NKAIN3: variants seen among roughly 807,000 people sequenced by gnomAD.
The protein encoded by NKAIN3 is sodium/potassium transporting ATPase interacting 3.
In NKAIN3, 25 loss-of-function variants were observed where a neutral mutation model predicts 30.2. The ratio of observed to expected loss-of-function variants is 0.83; its 90% CI spans 0.60 to 1.16. NKAIN3 has a LOEUF of 1.16. NKAIN3 is among the 50% of genes most tolerant of loss of function. The pLI is 0.00. For missense variants in NKAIN3, 225 were observed against 254.1 expected, an observed-to-expected ratio of 0.89 and a Z score of 0.78; for synonymous variants, 91 against 89.6, an observed-to-expected ratio of 1.02 and a Z score of -0.09.
chr8:62,375,768 T>A (rs1047637828), intron 1 of NKAIN3, among the ~76,000 whole-genome samples: 6 of 152,226 alleles, frequency 3.9e-5, no homozygotes, highest in Non-Finnish European at 8.8e-5. Flanking sequence ...TTAATTTACA[T>A]GTACTCCTAA....
intron 3 of NKAIN3, among the ~76,000 whole-genome samples, chr8:62,607,400 G>T (rs1351364): frequency 0.48 from 72,299 of 151,962 alleles, 18,601 homozygotes; most frequent in Non-Finnish European, 0.58. Context: ...GAAGGCTGAT[G>T]CACCTTCTCT....
At chr8:62,609,094 A>G (rs934323195) in intron 3 of NKAIN3, among the ~76,000 whole-genome samples, 2 of 152,172 alleles carry the variant, frequency 1.3e-5, no homozygotes, top group East Asian at 3.9e-4. Context: ...CTTGCTGCTC[A>G]GGTCAGGCTA....
intron 1 of NKAIN3, among the ~76,000 whole-genome samples, chr8:62,531,836 A>C (rs773823008): frequency 2.0e-5 from 3 of 152,228 alleles, no homozygotes; most frequent in Non-Finnish European, 4.4e-5. Context: ...CTCCCCAGGC[A>C]TGAATGCCAG....
At chr8:62,474,391 C>T (rs191527655) in intron 1 of NKAIN3, 6 of 152,220 alleles carry the variant, frequency 3.9e-5, no homozygotes, top group East Asian at 3.9e-4. Context: ...AACCTGCAAA[C>T]GCTGGACAAA....
intron 4 of NKAIN3, among the ~76,000 whole-genome samples, chr8:62,895,872 A>G (rs1821413807): frequency 6.6e-6 from 1 of 152,038 alleles, no homozygotes; most frequent in Non-Finnish European, 1.5e-5. Context: ...TTTCTTACGG[A>G]GCTGTCCTTG....
At chr8:62,334,248 A>G (rs942353155) in intron 1 of NKAIN3, among the ~76,000 whole-genome samples, 1 of 149,728 alleles carries the variant, frequency 6.7e-6, no homozygotes, top group African/African-American at 2.5e-5. Context: ...ATTCACTTAC[A>G]GTTCTTGGAG....
At position 62,942,974 on chromosome 8, in the gene NKAIN3, G is replaced by A. The variant is rs188642716; in HGVS notation, c.533-10928G>A. ...AAAAACCCTTCTAGACATTGGCTTA[G>A]GCAAAGACTTCATTACCAAGAACCT... On this transcript the variant is annotated intron_variant, in intron 5 of 6. Transcript: ENST00000623646. 1.1e-4 allele frequency among the ~76,000 whole-genome samples: 17 copies of A among 152,182 alleles called. No homozygotes were observed. The East Asian group carries it at 2.5e-3, about 22-fold the overall frequency.
chr8:62,771,682 C>A (rs1382224324), intron 4 of NKAIN3, among the ~76,000 whole-genome samples: 1 of 151,998 alleles, frequency 6.6e-6, no homozygotes, highest in African/African-American at 2.4e-5. Context: ...ACTTGACAAA[C>A]CTCAGGTAGG....
intron 1 of NKAIN3, among the ~76,000 whole-genome samples, chr8:62,499,462 G>A (rs1807348324): frequency 6.6e-6 from 1 of 152,048 alleles, no homozygotes; most frequent in African/African-American, 2.4e-5. Context: ...AACCAACTTT[G>A]CAATACTCAT....
chr8:62,521,046 G>A (rs997894992), intron 1 of NKAIN3, among the ~76,000 whole-genome samples: 1 of 151,590 alleles, frequency 6.6e-6, no homozygotes, highest in African/African-American at 2.4e-5. Flanking sequence ...GCTCTAATGG[G>A]AGAGATTGTT....
Position 62,966,567 on chromosome 8 carries a change from C to A in NKAIN3, c.*1160C>A. Reference sequence around the variant, plus strand: ...AACATTTCCGTCACTTTAAAAAATTCCCTTATGCCCTCTTTCAGGCAATGC... The same window carrying A: ...AACATTTCCGTCACTTTAAAAAATTACCTTATGCCCTCTTTCAGGCAATGC... On this transcript the variant is annotated 3_prime_UTR_variant, in exon 7 of 7. Coordinates refer to ENST00000623646, the MANE Select transcript of NKAIN3 (RefSeq NM_001304533.3). 5.6e-6 allele frequency: 1 copy of A among 179,446 alleles called. No homozygotes were observed. The highest frequency in any genetic ancestry group is 1.1e-5 in the Non-Finnish European group (1 of 92,922). 11.1% of individuals were successfully genotyped at this position (179,446 alleles called of 1,614,324 possible).
intron 4 of NKAIN3, among the ~76,000 whole-genome samples, chr8:62,881,271 CCT>C (rs910792641): frequency 8.5e-5 from 13 of 152,264 alleles, no homozygotes; most frequent in Admixed American, 2.6e-4. Context: ...TAAAAAATCC[CCT>C]GTCTTCCACC....
At chr8:62,287,695 G>T (rs1813425825) in intron 1 of NKAIN3, among the ~76,000 whole-genome samples, 1 of 152,012 alleles carries the variant, frequency 6.6e-6, no homozygotes, top group Non-Finnish European at 1.5e-5. Flanking sequence ...CATTTATCAA[G>T]ATTTGATCTA....
At chr8:62,668,164 A>G (rs996999585) in intron 3 of NKAIN3, among the ~76,000 whole-genome samples, 2 of 151,792 alleles carry the variant, frequency 1.3e-5, no homozygotes, top group Non-Finnish European at 2.9e-5. Flanking sequence ...TCCTTGGTGT[A>G]CTTCATTGTT....
At chr8:62,942,991 C>T (rs1823010267) in intron 5 of NKAIN3, among the ~76,000 whole-genome samples, 1 of 151,980 alleles carries the variant, frequency 6.6e-6, no homozygotes, top group South Asian at 2.1e-4. Context: ...ACTTCATTAC[C>T]AAGAACCTAA....
chr8:62,389,664 G>C (rs912731614), intron 1 of NKAIN3, among the ~76,000 whole-genome samples: 1 of 152,158 alleles, frequency 6.6e-6, no homozygotes, highest in Non-Finnish European at 1.5e-5. Flanking sequence ...CTGGGTATAG[G>C]AGTACATACA....
At chr8:62,698,629 A>T (rs1200414319) in intron 3 of NKAIN3, among the ~76,000 whole-genome samples, 1 of 152,226 alleles carries the variant, frequency 6.6e-6, no homozygotes, top group Non-Finnish European at 1.5e-5. Context: ...TGTACAACCA[A>T]GTGTAGGACC....
At chr8:62,936,653 C>G (rs1029938764) in intron 5 of NKAIN3, among the ~76,000 whole-genome samples, 2 of 152,140 alleles carry the variant, frequency 1.3e-5, no homozygotes, top group East Asian at 3.8e-4. Flanking sequence ...TAATATTCAT[C>G]ATTATCCATC....
intron 4 of NKAIN3, among the ~76,000 whole-genome samples, chr8:62,799,037 G>C (rs937866592): frequency 5.9e-5 from 9 of 152,086 alleles, no homozygotes; most frequent in African/African-American, 1.7e-4. Flanking sequence ...GCACATGAGG[G>C]CCTGCTTTGA....
Sources: allele counts gnomAD v4.1 joint callset (sites outside exome capture counted in the v4.1 genomes callset), GRCh38; gene constraint gnomAD v4.1.1; transcripts MANE v1.5; gene names NCBI Gene and HGNC (gene_info 2026-07-23, HGNC 2026-07-21).